Variants in TECR observed in about 807,000 individuals in gnomAD.
TECR encodes the protein trans-2,3-enoyl-CoA reductase.
In TECR, 19 loss-of-function variants were observed where a neutral mutation model predicts 50.6. That is an observed-to-expected ratio of 0.38 (90% CI 0.26 to 0.55). TECR has a LOEUF of 0.55. TECR is among the 20% of genes least tolerant of loss of function. TECR has a pLI of 0.79. For synonymous variants in TECR, 168 were observed against 163.5 expected (o/e 1.03, Z -0.21); for missense variants, 313 against 408.3 (o/e 0.77, Z 2.01).
chr19:14,541,901 G>T (rs1388760824), intron 1 of TECR, among the ~76,000 whole-genome samples: 1 of 151,692 alleles, frequency 6.6e-6, no homozygotes, highest in East Asian at 1.9e-4. Flanking sequence ...TCCTGCCTCA[G>T]CCTCCCGATT....
At chr19:14,555,464 T>A (rs1323203960) in intron 1 of TECR, among the ~76,000 whole-genome samples, 5 of 136,578 alleles carry the variant, frequency 3.7e-5, no homozygotes, top group African/African-American at 5.8e-5. Flanking sequence ...TTTTTTTTTT[T>A]AGACAGAGCC....
intron 1 of TECR, among the ~76,000 whole-genome samples, chr19:14,546,734 G>T (rs2073320844): frequency 6.6e-6 from 1 of 152,038 alleles, no homozygotes; most frequent in South Asian, 2.1e-4. Flanking sequence ...GCCCTGGCTG[G>T]AGTGCCGTGT....
chr19:14,548,200 G>A (rs1315535228), intron 1 of TECR, among the ~76,000 whole-genome samples: 2 of 151,784 alleles, frequency 1.3e-5, no homozygotes, highest in Non-Finnish European at 2.9e-5. Flanking sequence ...CTGACTTCAT[G>A]ATCCGCCCCC....
chr19:14,535,562 A>ATGTATATG (rs2072858283), intron 1 of TECR, among the ~76,000 whole-genome samples: 1 of 27,914 alleles, frequency 3.6e-5, no homozygotes, highest in African/African-American at 1.4e-4. Context: ...ATATATATAT[A>ATGTATATG]TATATATATA....
intron 1 of TECR, among the ~76,000 whole-genome samples, chr19:14,550,827 C>T (rs1030193749): frequency 5.9e-5 from 9 of 152,058 alleles, no homozygotes; most frequent in East Asian, 1.9e-4. Context: ...ACTACAGGCC[C>T]GTACCACTAT....
chr19:14,552,737 T>C (rs1459104080), intron 1 of TECR, among the ~76,000 whole-genome samples: 3 of 151,736 alleles, frequency 2.0e-5, no homozygotes, highest in African/African-American at 4.8e-5. Flanking sequence ...GGGGTTTCAC[T>C]GTGTTAGCCA....
At chr19:14,530,826 T>G (rs2072616053) in intron 1 of TECR, 1 of 152,178 alleles carries the variant, frequency 6.6e-6, no homozygotes, top group Non-Finnish European at 1.5e-5. Context: ...AGTGTGCAGT[T>G]CAGTGGCATT....
At chr19:14,553,005 T>G (rs2073589839) in intron 1 of TECR, among the ~76,000 whole-genome samples, 1 of 151,950 alleles carries the variant, frequency 6.6e-6, no homozygotes. Context: ...ACCGCAGGGA[T>G]GGGTGTAGGC....
At chr19:14,555,065 C>T (rs1183892921) in intron 1 of TECR, among the ~76,000 whole-genome samples, 1 of 151,682 alleles carries the variant, frequency 6.6e-6, no homozygotes, top group East Asian at 1.9e-4. Context: ...GCGTGAGCCA[C>T]TGCGCCTGGC....
intron 1 of TECR, among the ~76,000 whole-genome samples, chr19:14,538,203 A>G (rs1471839249): frequency 1.3e-5 from 2 of 152,182 alleles, no homozygotes; most frequent in Admixed American, 6.6e-5. Context: ...ATTCTTCTAG[A>G]ACCAGAGTGG....
At chr19:14,541,273 G>C (rs967820714) in intron 1 of TECR, among the ~76,000 whole-genome samples, 1 of 152,196 alleles carries the variant, frequency 6.6e-6, no homozygotes, top group Non-Finnish European at 1.5e-5. Flanking sequence ...CACCGTGCCT[G>C]GCTGGCAACT....
chr19:14,532,494 C>G (rs1181602733), intron 1 of TECR: 1 of 117,136 alleles, frequency 8.5e-6, no homozygotes, highest in Non-Finnish European at 1.6e-5. Flanking sequence ...GCCTGGATGA[C>G]AGAGCGAGAG....
At chr19:14,543,409 ATATATATATATTTTTTTTTTTTTTTTTT>A (rs2073179823) in intron 1 of TECR, among the ~76,000 whole-genome samples, 1 of 9,462 alleles carries the variant, frequency 1.1e-4, no homozygotes, top group Admixed American at 1.3e-3. Context: ...ATATATATAT[ATATATATATATTTTTTTTTTTTTTTTTT>A]TTTTTTTTTT....
intron 1 of TECR, among the ~76,000 whole-genome samples, chr19:14,537,018 G>C (rs942156181): frequency 2.0e-5 from 3 of 147,230 alleles, no homozygotes; most frequent in African/African-American, 7.6e-5. Context: ...AGGACGGGGA[G>C]GGGTGTCGAG....
chr19:14,563,786 C>T lies in TECR; in HGVS notation c.164-14C>T, dbSNP rs370825143. ...GCCCGGGTAGCCCCTGAGCCCTGGCCCGCCTCTCTGCAGAGGGCAAGTCCC... is the reference window on the plus strand; with the variant it reads ...GCCCGGGTAGCCCCTGAGCCCTGGCTCGCCTCTCTGCAGAGGGCAAGTCCC... On this transcript the variant is annotated splice_polypyrimidine_tract_variant and intron_variant, in intron 4 of 12. Transcript: ENST00000215567. The surrounding 1 kb of genome is among the most constrained non-coding windows in gnomAD (Gnocchi z 5.3). 2.5e-6 allele frequency: 4 copies of T among 1,613,432 alleles called. No individual in the cohort carries two copies. In the African/African-American group the frequency reaches 5.3e-5, roughly 22 times the overall value.
In TECR at chr19:14,558,982, C is replaced by CGT. The variant is rs145913080; in HGVS notation, c.16-3531_16-3530dup. Among the ~76,000 whole-genome samples, 223 of 151,676 alleles carry CGT rather than the reference C, an allele frequency of 1.5e-3. 5 individuals carry two copies. In the South Asian group the frequency reaches 0.043, roughly 29 times the overall value. On this transcript the variant is annotated intron_variant, in intron 1 of 12. Coordinates refer to ENST00000215567, the MANE Select transcript of TECR (RefSeq NM_138501.6). ...CCTGTTGGCCTCAGGCCTGGGCAGG[C>CGT]GTGTGTGTGTGTGGCAGGCACAGAG...
chr19:14,529,380 T>C, upstream of TECR: 1 of 520,920 alleles, frequency 1.9e-6, no homozygotes, highest in South Asian at 2.0e-5. Context: ...CTCCTTTGGA[T>C]TGGTGGATGG....
At chr19:14,535,486 G>A (rs1195657047) in intron 1 of TECR, among the ~76,000 whole-genome samples, 135 of 109,624 alleles carry the variant, frequency 1.2e-3, no homozygotes, top group African/African-American at 4.6e-3. Flanking sequence ...CAGCCTGGGC[G>A]ACAGAGCGAG....
intron 1 of TECR, 75 bp downstream of exon 1, chr19:14,529,786 C>T: frequency 6.2e-7 from 1 of 1,604,670 alleles, no homozygotes; most frequent in Non-Finnish European, 8.5e-7. Flanking sequence ...ACCACGGGAC[C>T]CCACTTTCTG....
Sources: gnomAD v4.1 joint callset for allele counts (sites outside exome capture counted in the v4.1 genomes callset) on GRCh38, gnomAD v4.1.1 for gene constraint, Gnocchi (gnomAD v3.1) non-coding constraint, MANE v1.5 for transcripts, NCBI Gene and HGNC (gene_info 2026-07-23, HGNC 2026-07-21) for gene names.